PI4KA: variants seen among roughly 807,000 people sequenced by gnomAD.
The protein encoded by PI4KA is phosphatidylinositol 4-kinase alpha.
PI4KA carries 122 observed loss-of-function variants against 271.4 expected under a neutral mutation model. That is an observed-to-expected ratio of 0.45 (90% confidence interval 0.39 to 0.52). The LOEUF is 0.52. PI4KA is among the 20% of genes least tolerant of loss of function. PI4KA has a pLI of 0.00. For synonymous variants in PI4KA, 1,041 were observed against 1,078.8 expected (o/e 0.96, Z 0.69); for missense variants, 1,969 against 2,769.1 (o/e 0.71, Z 6.48).
In PI4KA at chr22:20,751,305, G is replaced by A. The variant is rs368882583; in HGVS notation, c.3141C>T (p.Tyr1047=). ...GTGTCGGGCCTACCTCACGGGCTTC[G>A]TACGTGTCAGGAACCGTGATCCGGT... ...APYRITVPDT[Y]EARESIVKDF... Residue 1047 remains tyrosine, a synonymous_variant, in exon 27 of 55, where the codon TAC becomes TAT. Coordinates refer to ENST00000255882, the MANE Select transcript of PI4KA (RefSeq NM_058004.4). 24 of 1,613,620 alleles carry A rather than the reference G, an allele frequency of 1.5e-5. No homozygotes were observed. The highest frequency in any genetic ancestry group is 3.3e-5 in the South Asian group (3 of 91,072).
At chr22:20,819,136 G>A (rs191633753) in intron 6 of PI4KA, among the ~76,000 whole-genome samples, 2 of 152,334 alleles carry the variant, frequency 1.3e-5, no homozygotes, top group African/African-American at 4.8e-5. Context: ...GGGCGAAACG[G>A]TGAAAGGGAG....
intron 19 of PI4KA, among the ~76,000 whole-genome samples, chr22:20,781,065 C>T (rs1933763751): frequency 6.6e-6 from 1 of 152,126 alleles, no homozygotes; most frequent in Non-Finnish European, 1.5e-5. Flanking sequence ...TACTTTTGAA[C>T]TACTGGGCAG....
intron 47 of PI4KA, 142 bp downstream of exon 47, chr22:20,714,316 G>C (rs1440020800): frequency 1.3e-6 from 2 of 1,488,228 alleles, no homozygotes; most frequent in South Asian, 2.8e-5. Context: ...CCCAATGAGG[G>C]ATCTGACTGA....
At chr22:20,723,266 C>T (rs965634047) in intron 42 of PI4KA, among the ~76,000 whole-genome samples, 7 of 152,032 alleles carry the variant, frequency 4.6e-5, no homozygotes, top group East Asian at 1.9e-4. Context: ...GTGATCCACC[C>T]GCCTCGGCTT....
chr22:20,797,603 T>C (rs1935059879), intron 17 of PI4KA, among the ~76,000 whole-genome samples: 1 of 152,162 alleles, frequency 6.6e-6, no homozygotes, highest in East Asian at 1.9e-4. Context: ...AATGAAGTAG[T>C]ATCGATGCGA....
chr22:20,820,704 T>C, intron 4 of PI4KA, 93 bp from the exon 5 acceptor site: 1 of 873,968 alleles, frequency 1.1e-6, no homozygotes, highest in Non-Finnish European at 1.9e-6. Flanking sequence ...ACTTCAGACA[T>C]TATCTTAACC....
intron 3 of PI4KA, among the ~76,000 whole-genome samples, chr22:20,833,663 T>C (rs178055): frequency 7.1e-6 from 1 of 139,992 alleles, no homozygotes; most frequent in Non-Finnish European, 1.5e-5. Context: ...TTTTGTTTTT[T>C]TTTTTTTTTT....
In PI4KA at chr22:20,818,523, A is replaced by G. The variant is rs1569069069; in HGVS notation, c.816T>C (p.Pro272=). Residue 272 remains proline, a synonymous_variant, in exon 7 of 55, where the codon CCT becomes CCC. Coordinates refer to ENST00000255882, the MANE Select transcript of PI4KA (RefSeq NM_058004.4). ...SQVSPERGMP[P]PSSPGGSAFH... is the part of the protein sequence containing the mutation. Reference sequence around the variant, plus strand: ...AGGCAGATCCTCCAGGGGAACTGGGAGGGGGCATGCCGCGTTCAGGGCTGA... The same window carrying G: ...AGGCAGATCCTCCAGGGGAACTGGGGGGGGGCATGCCGCGTTCAGGGCTGA... The G allele has an allele frequency of 6.4e-7, 1 of 1,565,102 alleles. No homozygotes were observed. The highest frequency in any genetic ancestry group is 2.0e-5 in the Admixed American group (1 of 49,650).
intron 9 of PI4KA, among the ~76,000 whole-genome samples, chr22:20,809,068 T>TCC (rs1935845345): frequency 6.6e-6 from 1 of 152,134 alleles, no homozygotes; most frequent in Admixed American, 6.6e-5. Flanking sequence ...AATGATGGCT[T>TCC]TACAGACAAC....
chr22:20,807,281 A>G (rs1442161285), intron 10 of PI4KA, 81 bp downstream of exon 10: 1 of 828,082 alleles, frequency 1.2e-6, no homozygotes, highest in Non-Finnish European at 2.1e-6. Context: ...AGTGAGTACC[A>G]GTCTGCAACC....
rs556184742 is a variant in PI4KA, at chr22:20,819,304, G to T, written c.789+337C>A. On this transcript the variant is annotated intron_variant, in intron 6 of 54. Transcript: ENST00000255882. ...CATATTTTCATGTTTTAAAGGAGTGGTTTTTTTTTTTTTAACACAGTGTTT... is the reference window on the plus strand; with the variant it reads ...CATATTTTCATGTTTTAAAGGAGTGTTTTTTTTTTTTTTAACACAGTGTTT... 1.2e-3 allele frequency among the ~76,000 whole-genome samples: 179 copies of T among 144,844 alleles called. 1 individual carries two copies. Among genetic ancestry groups the T allele is most frequent in the African/African-American group, 3.7e-3 (147 of 39,668 alleles).
intron 52 of PI4KA, chr22:20,710,331 T>G (rs1925091600): frequency 1.9e-6 from 1 of 526,110 alleles, no homozygotes; most frequent in Non-Finnish European, 3.5e-6. Context: ...TGAACCCAGG[T>G]TGGACTGTGG....
chr22:20,804,326 A>G lies in PI4KA; in HGVS notation c.1435T>C (p.Leu479=). The change falls in exon 12 of 55, where the codon TTG becomes CTG. Residue 479 remains leucine, a synonymous_variant. Transcript: ENST00000255882. Reference sequence around the variant, plus strand: ...TGCAGACAGCAGATCAGCAGGGGCAAGTGAGCAATAATGACTTTGCTGGAC... The same window carrying G: ...TGCAGACAGCAGATCAGCAGGGGCAGGTGAGCAATAATGACTTTGCTGGAC... The part of the protein sequence containing the change: ...KTSSKVIIAH[L]PLLICCLQGL... 1 of 1,613,888 alleles carries G rather than the reference A, an allele frequency of 6.2e-7. No individual in the cohort carries two copies. The highest frequency in any genetic ancestry group is 8.5e-7 in the Non-Finnish European group (1 of 1,179,730).
At chr22:20,846,966 T>C (rs976928304) in intron 1 of PI4KA, among the ~76,000 whole-genome samples, 2 of 150,508 alleles carry the variant, frequency 1.3e-5, no homozygotes, top group Non-Finnish European at 2.9e-5. Context: ...ACCAACATGA[T>C]GAAACCCCGT....
intron 27 of PI4KA, among the ~76,000 whole-genome samples, chr22:20,750,316 T>C (rs1338657311): frequency 1.3e-5 from 2 of 152,162 alleles, no homozygotes; most frequent in African/African-American, 4.8e-5. Flanking sequence ...GGGAGAAGGC[T>C]GCCATTCACA....
At chr22:20,837,145 T>C (rs1924969114) in intron 2 of PI4KA, among the ~76,000 whole-genome samples, 1 of 152,176 alleles carries the variant, frequency 6.6e-6, no homozygotes, top group Non-Finnish European at 1.5e-5. Flanking sequence ...TCCCAGCACT[T>C]TGGGAGGCCT....
chr22:20,771,228 G>T (rs1487402748), intron 19 of PI4KA, among the ~76,000 whole-genome samples: 1 of 152,000 alleles, frequency 6.6e-6, no homozygotes, highest in Non-Finnish European at 1.5e-5. Context: ...TTCAAGACCA[G>T]CCTGGCCAGC....
chr22:20,711,790 G>A (rs1449078523), intron 50 of PI4KA, among the ~76,000 whole-genome samples: 2 of 152,038 alleles, frequency 1.3e-5, no homozygotes, highest in Non-Finnish European at 2.9e-5. Context: ...CTGTCGCCAG[G>A]CTGGAGTGCA....
chr22:20,839,172 G>A (rs530484917), intron 1 of PI4KA, among the ~76,000 whole-genome samples: 3 of 152,148 alleles, frequency 2.0e-5, no homozygotes, highest in African/African-American at 4.8e-5. Flanking sequence ...AGCCAAGATC[G>A]TGCCACTGCA....
Sources: gnomAD v4.1 joint callset for allele counts (sites outside exome capture counted in the v4.1 genomes callset) on GRCh38, gnomAD v4.1.1 for gene constraint, MANE v1.5 for transcripts, NCBI Gene and HGNC (gene_info 2026-07-23, HGNC 2026-07-21) for gene names.